Variants in STK24 observed in about 807,000 individuals in gnomAD.
The protein encoded by STK24 is serine/threonine kinase 24, also known as serine/threonine-protein kinase 24.
Under a neutral mutation model 55.6 loss-of-function variants are expected in STK24, and 21 were observed. The observed-to-expected ratio is 0.38, with a 90% CI of 0.27 to 0.54. The LOEUF is 0.54. Among genes scored for constraint, STK24 ranks in the 20% least tolerant of loss-of-function variants. The pLI, the probability that STK24 is intolerant of heterozygous loss-of-function variation, is 0.79. For missense variants in STK24, 383 were observed against 538.4 expected (o/e 0.71, Z 2.86); for synonymous variants, 200 against 215.2 (o/e 0.93, Z 0.62).
intron 1 of STK24, among the ~76,000 whole-genome samples, chr13:98,532,409 GACCCATCCCACACCCACCACAC>G (rs966071646): frequency 4.0e-5 from 6 of 150,748 alleles, no homozygotes; most frequent in African/African-American, 1.2e-4. Flanking sequence ...ATCCACCAAA[GACCCATCCCACACCCACCACAC>G]ACCCATCCCA....
intron 2 of STK24, among the ~76,000 whole-genome samples, chr13:98,512,081 T>G (rs1288068766): frequency 1.3e-5 from 2 of 151,578 alleles, no homozygotes; most frequent in African/African-American, 4.9e-5. Context: ...AGAGACAGGG[T>G]TTCCCCATGT....
In STK24 at chr13:98,567,773, A is replaced by C. The variant is rs1300597809; in HGVS notation, c.42+8972T>G. Among the ~76,000 whole-genome samples the C allele has an allele frequency of 2.0e-5, 3 of 151,746 alleles. No homozygotes were observed. The East Asian group carries it at 5.8e-4, about 29-fold the overall frequency. ...TCTTTATTCACCTATAAACTGAAGA[A>C]TAGCAACTTGGAGGTAGAGGGGTCA... On this transcript the variant is annotated intron_variant, in intron 1 of 10. Coordinates refer to ENST00000539966, the MANE Select transcript of STK24 (RefSeq NM_001032296.4).
At chr13:98,497,917 T>C (rs1404631453) in intron 2 of STK24, among the ~76,000 whole-genome samples, 2 of 152,196 alleles carry the variant, frequency 1.3e-5, no homozygotes, top group East Asian at 3.8e-4. Context: ...CAAGTGGGAC[T>C]GGCTGCACTC....
chr13:98,476,256 T>G (rs1403338046), intron 3 of STK24, among the ~76,000 whole-genome samples: 1 of 70,248 alleles, frequency 1.4e-5, no homozygotes, highest in Non-Finnish European at 4.7e-5. Flanking sequence ...CCCCGCCCCC[T>G]GCAGAGTGGG....
intron 1 of STK24, among the ~76,000 whole-genome samples, chr13:98,548,861 CAAAA>C (rs55793722): frequency 5.3e-4 from 20 of 37,792 alleles, no homozygotes; most frequent in African/African-American, 1.7e-3. Flanking sequence ...GACTCTGTCT[CAAAA>C]AAAAAAAAAA....
chr13:98,576,708 G>T, intron 1 of STK24, 37 bp downstream of exon 1: 1 of 1,451,768 alleles, frequency 6.9e-7, no homozygotes, highest in Non-Finnish European at 9.1e-7. Flanking sequence ...TTCCGCCCCG[G>T]TCGCGCATCC....
At chr13:98,527,476 A>T (rs1896464502) in intron 1 of STK24, among the ~76,000 whole-genome samples, 2 of 152,186 alleles carry the variant, frequency 1.3e-5, no homozygotes, top group African/African-American at 4.8e-5. Flanking sequence ...AGTGAGGACG[A>T]AAGTTAAGAC....
intron 1 of STK24, among the ~76,000 whole-genome samples, chr13:98,542,409 G>GC (rs1316078835): frequency 6.6e-6 from 1 of 151,924 alleles, no homozygotes; most frequent in Non-Finnish European, 1.5e-5. Context: ...AAAAAAAACG[G>GC]CCAATTGGTA....
chr13:98,529,832 G>A (rs1476080161), intron 1 of STK24, among the ~76,000 whole-genome samples: 1 of 152,160 alleles, frequency 6.6e-6, no homozygotes, highest in Non-Finnish European at 1.5e-5. Flanking sequence ...CTAGGTCTAA[G>A]AAATGATGCT....
chr13:98,554,121 G>A (rs549148427), intron 1 of STK24, among the ~76,000 whole-genome samples: 2 of 150,978 alleles, frequency 1.3e-5, no homozygotes, highest in Admixed American at 1.3e-4. Context: ...TGATGATGAT[G>A]AATTGGTCCT....
intron 1 of STK24, among the ~76,000 whole-genome samples, chr13:98,542,204 T>C (rs1896907293): frequency 6.6e-6 from 1 of 152,168 alleles, no homozygotes. Context: ...CCACCGACCC[T>C]AGCGCTGACT....
At chr13:98,494,198 T>C (rs1594609489) in intron 2 of STK24, among the ~76,000 whole-genome samples, 1 of 140,366 alleles carries the variant, frequency 7.1e-6, no homozygotes, top group South Asian at 2.4e-4. Context: ...GATCACGAGG[T>C]CAGGAGATCG....
intron 5 of STK24, among the ~76,000 whole-genome samples, chr13:98,474,269 A>G (rs1192041397): frequency 2.0e-5 from 3 of 152,220 alleles, no homozygotes; most frequent in Non-Finnish European, 4.4e-5. Context: ...ACATGTTGAC[A>G]AGGACAGGCT....
intron 1 of STK24, among the ~76,000 whole-genome samples, chr13:98,565,356 G>A (rs1170270152): frequency 2.6e-5 from 4 of 152,048 alleles, no homozygotes; most frequent in Non-Finnish European, 4.4e-5. Context: ...GGCTGGGCGC[G>A]GTGGCTCACA....
At chr13:98,545,792 T>C (rs541370248) in intron 1 of STK24, among the ~76,000 whole-genome samples, 2 of 152,312 alleles carry the variant, frequency 1.3e-5, no homozygotes, top group East Asian at 3.9e-4. Context: ...CTTTCTATAT[T>C]AGATGAAACA....
chr13:98,500,744 A>T (rs546758694), intron 2 of STK24, among the ~76,000 whole-genome samples: 1 of 149,798 alleles, frequency 6.7e-6, no homozygotes, highest in Non-Finnish European at 1.5e-5. Context: ...CCACAAGCCC[A>T]ACTATGACAA....
At chr13:98,491,743 G>A (rs1895045406) in intron 2 of STK24, among the ~76,000 whole-genome samples, 1 of 147,404 alleles carries the variant, frequency 6.8e-6, no homozygotes, top group African/African-American at 2.5e-5. Context: ...AAGAAGGAAA[G>A]CAAAGAATAG....
intron 1 of STK24, among the ~76,000 whole-genome samples, chr13:98,531,784 A>C (rs538782449): frequency 6.6e-6 from 1 of 152,220 alleles, no homozygotes; most frequent in Non-Finnish European, 1.5e-5. Flanking sequence ...AGACATCACT[A>C]ACTACCCAAC....
chr13:98,534,503 C>G (rs2139407535), intron 1 of STK24, among the ~76,000 whole-genome samples: 1 of 152,304 alleles, frequency 6.6e-6, no homozygotes, highest in South Asian at 2.1e-4. Flanking sequence ...CTTTGTAAGG[C>G]TAACAAATTA....
Sources: gnomAD v4.1 joint callset for allele counts (sites outside exome capture counted in the v4.1 genomes callset) on GRCh38, gnomAD v4.1.1 for gene constraint, MANE v1.5 for transcripts, NCBI Gene and HGNC (gene_info 2026-07-23, HGNC 2026-07-21) for gene names.